Variants in APMAP observed in about 807,000 individuals in gnomAD.
APMAP encodes the protein adipocyte plasma membrane-associated protein.
A neutral mutation model predicts 43.6 loss-of-function variants in APMAP; 33 were observed. The ratio of observed to expected loss-of-function variants is 0.76; its 90% CI spans 0.57 to 1.01. The LOEUF is 1.01. APMAP is among the 50% of genes least tolerant of loss of function. The pLI, the probability that APMAP is intolerant of heterozygous loss-of-function variation, is 0.00. For missense variants in APMAP, 498 were observed against 540.7 expected (o/e 0.92, Z 0.78); for synonymous variants, 224 against 216.7 (o/e 1.03, Z -0.30).
intron 8 of APMAP, among the ~76,000 whole-genome samples, chr20:24,967,472 G>A (rs1024016298): frequency 1.1e-4 from 17 of 152,110 alleles, no homozygotes; most frequent in Admixed American, 1.3e-4. Context: ...CTCAATCAAC[G>A]GTACGTCCTC....
rs113625449 is a variant in APMAP at position 24,974,718 on chromosome 20, A to G, written c.329-981T>C. On this transcript the variant is annotated intron_variant, in intron 3 of 8. Coordinates refer to ENST00000217456, the MANE Select transcript of APMAP (RefSeq NM_020531.3). The stretch of plus-strand genomic sequence containing the variant: ...GCTGTATTAAATTCAGACAGAGAAC[A>G]CTTCAGACCAAGGAAAGTTATCAGG... 6.1e-3 allele frequency among the ~76,000 whole-genome samples: 927 copies of G among 152,332 alleles called. 15 individuals carry two copies. Among genetic ancestry groups the G allele is most frequent in the African/African-American group, 0.022 (903 of 41,556 alleles).
At chr20:24,987,457 A>T (rs1348199587) in intron 1 of APMAP, among the ~76,000 whole-genome samples, 2 of 152,174 alleles carry the variant, frequency 1.3e-5, no homozygotes, top group African/African-American at 4.8e-5. Context: ...TTTGTGTGGG[A>T]GGGGGAAATG....
intron 1 of APMAP, among the ~76,000 whole-genome samples, chr20:24,990,050 C>T (rs2088179283): frequency 6.6e-6 from 1 of 152,192 alleles, no homozygotes; most frequent in South Asian, 2.1e-4. Context: ...AAACAGTTCT[C>T]TTCCTAGATA....
chr20:24,979,927 C>T (rs1175599754), intron 2 of APMAP, among the ~76,000 whole-genome samples: 1 of 152,146 alleles, frequency 6.6e-6, no homozygotes, highest in Non-Finnish European at 1.5e-5. Context: ...GAACAGCAAC[C>T]ATCCCCCACC....
At position 24,978,750 on chromosome 20, in the gene APMAP, C is replaced by G. The variant is rs56312312; in HGVS notation, c.328+17G>C. ...GACAGCCTGGAAGGCTCCCCCCCCA[C>G]CCAAGCTTAGACTTACCCCCAATAT... is the stretch of plus-strand genomic sequence containing the variant. On this transcript the variant is annotated intron_variant, in intron 3 of 8. Coordinates refer to ENST00000217456, the MANE Select transcript of APMAP (RefSeq NM_020531.3). The G allele has an allele frequency of 4.4e-5, 62 of 1,409,552 alleles. No homozygotes were observed. The African/African-American group carries it at 1.0e-3, about 24-fold the overall frequency. 87.3% of individuals were successfully genotyped at this position (1,409,552 alleles called of 1,614,324 possible). A position where few individuals can be genotyped will look rare whatever the true frequency, so the allele number is the denominator to read the frequency against.
chr20:24,968,279 G>A (rs887775308), intron 8 of APMAP, among the ~76,000 whole-genome samples: 2 of 152,222 alleles, frequency 1.3e-5, no homozygotes, highest in African/African-American at 4.8e-5. Context: ...GCCATGGCTG[G>A]CCATTGGTGG....
At chr20:24,969,469 C>T in intron 7 of APMAP, 57 bp downstream of exon 7, 1 of 1,551,578 alleles carries the variant, frequency 6.4e-7, no homozygotes. Flanking sequence ...GCCCACCCCA[C>T]CCCGGCCATG....
In APMAP at chr20:24,969,519, C is replaced by T. The variant is rs1184091999; in HGVS notation, c.848+7G>A. The T allele has an allele frequency of 1.9e-6, 3 of 1,606,052 alleles. No homozygotes were observed. The highest frequency in any genetic ancestry group is 2.6e-6 in the Non-Finnish European group (3 of 1,173,822). ...GTAACTGATGGCTCAGCTAATCCCA[C>T]ACACACCTTCGTATCCTGGCCATGG... On this transcript the variant is annotated splice_region_variant and intron_variant, in intron 7 of 8. Coordinates refer to ENST00000217456, the MANE Select transcript of APMAP (RefSeq NM_020531.3).
Position 24,963,849 on chromosome 20 carries a change from G to A in APMAP, c.1215C>T (p.Ser405=). The change falls in exon 9 of 9, where the codon TCC becomes TCT. Residue 405 remains serine (S), a synonymous_variant. Coordinates refer to ENST00000217456, the MANE Select transcript of APMAP (RefSeq NM_020531.3). ...DGHLYLGSFR[S]PFLCRLSLQA... ...GGAGGCTGAGTCTGCAGAGGAAGGG[G>A]GACCTGAAAGAGCCCAGGTACAGGT... The A allele has an allele frequency of 6.2e-7, 1 of 1,614,222 alleles. No homozygotes were observed. The highest frequency in any genetic ancestry group is 8.5e-7 in the Non-Finnish European group (1 of 1,180,040).
chr20:24,979,308 G>A (rs1468234147), intron 2 of APMAP, among the ~76,000 whole-genome samples: 1 of 152,226 alleles, frequency 6.6e-6, no homozygotes, highest in Non-Finnish European at 1.5e-5. Flanking sequence ...GTATTTCACA[G>A]AGAAGATGGA....
At position 24,963,997 on chromosome 20, in the gene APMAP, T is replaced by C; in HGVS notation, c.1067A>G (p.Lys356Arg). ...GACGAGGCTGTACCGCGGCACAAACTTCATCACCGTCTCTTGACTAAAGAG... is the reference window on the plus strand; with the variant it reads ...GACGAGGCTGTACCGCGGCACAAACCTCATCACCGTCTCTTGACTAAAGAG... Reference protein sequence around the residue: ...FKLFSQETVMKFVPRYSLVLE... With the variant: ...FKLFSQETVMRFVPRYSLVLE... The change falls in exon 9 of 9, where the codon AAG becomes AGG. Residue 356 changes from lysine (K) to arginine (R), a missense_variant. Lys to Arg is a conservative substitution (Grantham distance 26, BLOSUM62 2). Transcript: ENST00000217456. 1 of 1,614,172 alleles carries C rather than the reference T, an allele frequency of 6.2e-7. No individual in the cohort carries two copies.
rs959505889 is a variant in APMAP, at chr20:24,992,730, G to C, written c.-42C>G. 1.1e-5 allele frequency: 15 copies of C among 1,412,224 alleles called. No individual in the cohort carries two copies. Among genetic ancestry groups the C allele is most frequent in the Admixed American group, 4.8e-5 (2 of 41,374 alleles). The allele number at this position is 1,412,224 out of a possible 1,614,324, so 87.5% of individuals were successfully genotyped here. ...TCACCCGCAGAAACCACCTCACACTGAGCGGCGCCGGCTCAGACTCCAGGC... is the reference window on the plus strand; with the variant it reads ...TCACCCGCAGAAACCACCTCACACTCAGCGGCGCCGGCTCAGACTCCAGGC... On this transcript the variant is annotated 5_prime_UTR_variant, in exon 1 of 9. Coordinates refer to ENST00000217456, the MANE Select transcript of APMAP (RefSeq NM_020531.3).
At chr20:24,978,913 C>A in intron 2 of APMAP, 31 bp from the exon 3 acceptor site, 2 of 1,545,072 alleles carry the variant, frequency 1.3e-6, no homozygotes, top group South Asian at 2.2e-5. Context: ...AGAGATCTGT[C>A]TATAAATACA....
chr20:24,973,524 C>A lies in APMAP; in HGVS notation c.421+121G>T, dbSNP rs529302457. The A allele has an allele frequency of 3.4e-5, 30 of 894,498 alleles. No homozygotes were observed. In the African/African-American group the frequency reaches 5.1e-4, roughly 15 times the overall value. The allele number at this position is 894,498 out of a possible 1,614,324, so 55.4% of individuals were successfully genotyped here. Reference sequence around the variant, plus strand: ...TCGTAGTGACGTCATGTTCCATCTACTAGATGGTCAGAGGTTCTTTTTCTC... The same window carrying A: ...TCGTAGTGACGTCATGTTCCATCTAATAGATGGTCAGAGGTTCTTTTTCTC... On this transcript the variant is annotated intron_variant, in intron 4 of 8. Coordinates refer to ENST00000217456, the MANE Select transcript of APMAP (RefSeq NM_020531.3).
chr20:24,963,993 A>C lies in APMAP; in HGVS notation c.1071T>G (p.Phe357Leu). Residue 357 changes from phenylalanine to leucine, a missense_variant, in exon 9 of 9, where the codon TTT becomes TTG. Physicochemically the swap from Phe to Leu is conservative, Grantham distance 22. Coordinates refer to ENST00000217456, the MANE Select transcript of APMAP (RefSeq NM_020531.3). Reference protein sequence around the residue: ...KLFSQETVMKFVPRYSLVLEL... With the variant: ...KLFSQETVMKLVPRYSLVLEL... ...CTAGGACGAGGCTGTACCGCGGCAC[A>C]AACTTCATCACCGTCTCTTGACTAA... 6.2e-7 allele frequency: 1 copy of C among 1,614,212 alleles called. No individual in the cohort carries two copies. Among genetic ancestry groups the C allele is most frequent in the Non-Finnish European group, 8.5e-7 (1 of 1,180,042 alleles).
chr20:24,974,238 G>A (rs2088031030), intron 3 of APMAP: 1 of 152,258 alleles, frequency 6.6e-6, no homozygotes, highest in Non-Finnish European at 1.5e-5. Flanking sequence ...CATGCCCCTT[G>A]AGCAATGATG....
intron 6 of APMAP, 39 bp from the exon 7 acceptor site, chr20:24,969,699 C>G: frequency 6.3e-7 from 1 of 1,581,922 alleles, no homozygotes; most frequent in South Asian, 1.1e-5. Flanking sequence ...GGGGGAGAAT[C>G]CCTGGCTCCC....
chr20:24,982,873 C>T (rs925977646), intron 2 of APMAP, among the ~76,000 whole-genome samples: 4 of 144,128 alleles, frequency 2.8e-5, no homozygotes, highest in African/African-American at 1.1e-4. Flanking sequence ...CCTTTGGAGA[C>T]AGGATGTCCT....
chr20:24,982,999 T>C (rs1432053575), intron 2 of APMAP, among the ~76,000 whole-genome samples: 1 of 152,216 alleles, frequency 6.6e-6, no homozygotes, highest in Non-Finnish European at 1.5e-5. Context: ...TTCTCAATCT[T>C]ACATGAGCAA....
Sources: gnomAD v4.1 joint callset for allele counts (sites outside exome capture counted in the v4.1 genomes callset) on GRCh38, gnomAD v4.1.1 for gene constraint, MANE v1.5 for transcripts, NCBI Gene and HGNC (gene_info 2026-07-23, HGNC 2026-07-21) for gene names.